The following DZIP1L variants were observed in gnomAD, a reference collection of about 807,000 sequenced individuals.
DZIP1L encodes the protein cilium assembly protein DZIP1L.
In DZIP1L, 90 loss-of-function variants were observed where a neutral mutation model predicts 88.7. The observed-to-expected ratio is 1.02, with a 90% CI of 0.86 to 1.21. The LOEUF is 1.21. Ranked by LOEUF, DZIP1L falls within the 50% of genes most tolerant of loss-of-function variation. DZIP1L has a pLI of 0.00. For missense variants in DZIP1L, 932 were observed against 955.8 expected, an observed-to-expected ratio of 0.98 and a Z score of 0.33; for synonymous variants, 363 against 372.1, an observed-to-expected ratio of 0.98 and a Z score of 0.28.
At chr3:138,082,268 A>G (rs961999696) in intron 8 of DZIP1L, among the ~76,000 whole-genome samples, 1 of 152,092 alleles carries the variant, frequency 6.6e-6, no homozygotes, top group East Asian at 1.9e-4. Context: ...TTCCCCCTTC[A>G]TGGCTGCAGG....
At chr3:138,112,002 C>CAA (rs56199137) in intron 1 of DZIP1L, among the ~76,000 whole-genome samples, 1 of 135,096 alleles carries the variant, frequency 7.4e-6, no homozygotes. Context: ...AATTCTGTCT[C>CAA]AAAAAAAAAA....
intron 2 of DZIP1L, among the ~76,000 whole-genome samples, chr3:138,098,186 T>C (rs537506048): frequency 2.6e-5 from 4 of 152,218 alleles, no homozygotes; most frequent in Non-Finnish European, 4.4e-5. Context: ...ATTGAAATAC[T>C]ACAAATAAAA....
chr3:138,104,753 G>C (rs890538499), intron 1 of DZIP1L, among the ~76,000 whole-genome samples: 46 of 152,022 alleles, frequency 3.0e-4, no homozygotes, highest in African/African-American at 1.1e-3. Flanking sequence ...ATCCATCATG[G>C]GCTTTTTTTT....
At chr3:138,083,327 G>C (rs1943757761) in intron 8 of DZIP1L, among the ~76,000 whole-genome samples, 1 of 152,188 alleles carries the variant, frequency 6.6e-6, no homozygotes, top group African/African-American at 2.4e-5. Context: ...CAAATAGCAA[G>C]GGGTGCAGGA....
chr3:138,081,802 G>C, intron 8 of DZIP1L, 38 bp from the exon 9 acceptor site: 1 of 1,609,668 alleles, frequency 6.2e-7, no homozygotes. Context: ...ACAACCAGCA[G>C]AGAACATTGT....
intron 3 of DZIP1L, among the ~76,000 whole-genome samples, chr3:138,096,985 G>T (rs1944502642): frequency 6.6e-6 from 1 of 152,078 alleles, no homozygotes; most frequent in African/African-American, 2.4e-5. Context: ...TTTGAGACCA[G>T]ACTGGCCAAC....
At chr3:138,102,489 G>A (rs1291056289) in intron 2 of DZIP1L, 7 of 1,362,648 alleles carry the variant, frequency 5.1e-6, no homozygotes, top group Non-Finnish European at 7.3e-6. Flanking sequence ...GGTTGTTGAT[G>A]TAGCTCTGAA....
chr3:138,073,246 G>A (rs1238335343), intron 11 of DZIP1L, among the ~76,000 whole-genome samples: 1 of 152,106 alleles, frequency 6.6e-6, no homozygotes, highest in East Asian at 1.9e-4. Context: ...CCTAGCTGGA[G>A]GCCAACAAAC....
intron 5 of DZIP1L, among the ~76,000 whole-genome samples, chr3:138,091,342 C>T (rs915551880): frequency 3.3e-5 from 5 of 151,354 alleles, no homozygotes; most frequent in Non-Finnish European, 5.9e-5. Context: ...GACGGCCGGG[C>T]GCAGTGGCTC....
At chr3:138,097,695 C>T in intron 3 of DZIP1L, 68 bp downstream of exon 3, 1 of 1,444,214 alleles carries the variant, frequency 6.9e-7, no homozygotes, top group Non-Finnish European at 9.5e-7. Flanking sequence ...GTGGTCACCA[C>T]CCACTGAATA....
intron 5 of DZIP1L, chr3:138,088,934 C>G (rs772600366): frequency 8.4e-5 from 83 of 986,154 alleles, no homozygotes; most frequent in Non-Finnish European, 9.9e-5. Context: ...CTGGCTGTCT[C>G]CAGAAAGGGC....
chr3:138,064,056 G>A (rs1942788480), intron 15 of DZIP1L, among the ~76,000 whole-genome samples: 1 of 152,190 alleles, frequency 6.6e-6, no homozygotes, highest in Admixed American at 6.5e-5. Context: ...GTCTGATGAT[G>A]CTGGGGAAGC....
intron 12 of DZIP1L, among the ~76,000 whole-genome samples, chr3:138,070,870 A>G (rs1268628606): frequency 6.6e-6 from 1 of 152,168 alleles, no homozygotes; most frequent in Non-Finnish European, 1.5e-5. Flanking sequence ...AGAGCCTCTC[A>G]CCACAGCAGC....
chr3:138,106,254 TCAGCCTC>T (rs1186404595), intron 1 of DZIP1L, among the ~76,000 whole-genome samples: 3 of 144,750 alleles, frequency 2.1e-5, no homozygotes, highest in Non-Finnish European at 4.5e-5. Context: ...TTCTCCTGCC[TCAGCCTC>T]CAGAGTAGCC....
chr3:138,092,058 C>T (rs1944260168), intron 5 of DZIP1L, among the ~76,000 whole-genome samples: 1 of 152,218 alleles, frequency 6.6e-6, no homozygotes, highest in Non-Finnish European at 1.5e-5. Flanking sequence ...ACCAGATACA[C>T]TACTGATACA....
At chr3:138,097,716 C>A (rs1266535369) in intron 3 of DZIP1L, 47 bp downstream of exon 3, 1 of 1,547,602 alleles carries the variant, frequency 6.5e-7, no homozygotes, top group Non-Finnish European at 8.8e-7. Context: ...CCAGCCCCAG[C>A]CCTTTCCACA....
intron 1 of DZIP1L, among the ~76,000 whole-genome samples, chr3:138,113,668 C>G (rs1458855673): frequency 6.6e-6 from 1 of 152,244 alleles, no homozygotes; most frequent in Non-Finnish European, 1.5e-5. Flanking sequence ...TCCTGAAGTA[C>G]TGCCACTGCA....
intron 1 of DZIP1L, among the ~76,000 whole-genome samples, chr3:138,107,505 A>G (rs993376272): frequency 6.6e-6 from 1 of 152,160 alleles, no homozygotes; most frequent in African/African-American, 2.4e-5. Flanking sequence ...TTCTTTATAA[A>G]TTACCCAGTC....
chr3:138,102,706 C>A (rs936822642), intron 2 of DZIP1L: 23 of 870,314 alleles, frequency 2.6e-5, no homozygotes, highest in Non-Finnish European at 4.4e-5. Flanking sequence ...GCTCAGCAGG[C>A]TCTGGTTGAC....
Sources: gnomAD v4.1 joint callset for allele counts (sites outside exome capture counted in the v4.1 genomes callset) on GRCh38, gnomAD v4.1.1 for gene constraint, MANE v1.5 for transcripts, NCBI Gene and HGNC (gene_info 2026-07-23, HGNC 2026-07-21) for gene names.